Variants in PCLO observed in about 807,000 individuals in gnomAD.
PCLO encodes protein piccolo.
In PCLO, 82 loss-of-function variants were observed where a neutral mutation model predicts 427.5. The observed-to-expected ratio is 0.19, with a 90% confidence interval of 0.16 to 0.23. The LOEUF (loss-of-function observed/expected upper bound fraction) is 0.23. Ranked by LOEUF, PCLO falls within the 10% of genes least tolerant of loss-of-function variation. The pLI is 1.00. For synonymous variants in PCLO, 2,357 were observed against 2,155.4 expected (o/e 1.09, Z -2.59); for missense variants, 6,239 against 6,115.9 (o/e 1.02, Z -0.67).
rs989137162 is a variant in PCLO at position 82,956,949 on chromosome 7, TA to T, written c.4018-15del. 2 of 1,559,490 alleles carry T rather than the reference TA, an allele frequency of 1.3e-6. No individual in the cohort carries two copies. The highest frequency in any genetic ancestry group is 1.7e-6 in the Non-Finnish European group (2 of 1,154,798). On this transcript the variant is annotated splice_polypyrimidine_tract_variant and intron_variant, in intron 4 of 24. Coordinates refer to ENST00000333891, the MANE Select transcript of PCLO (RefSeq NM_033026.6). ...ATCTTCCTTTTCCTAAGCAGGGAGATAAAGATACAGGAAAACTTAACATGGT... is the reference window on the plus strand; with the variant it reads ...ATCTTCCTTTTCCTAAGCAGGGAGATAAGATACAGGAAAACTTAACATGGT...
chr7:82,859,941 G>C (rs1413351213), intron 10 of PCLO, among the ~76,000 whole-genome samples: 3 of 152,022 alleles, frequency 2.0e-5, no homozygotes. Flanking sequence ...ACTGAATAAT[G>C]CATCAGAGGT....
intron 6 of PCLO, among the ~76,000 whole-genome samples, chr7:82,922,852 T>C (rs142615431): frequency 3.3e-5 from 5 of 152,154 alleles, no homozygotes; most frequent in Non-Finnish European, 4.4e-5. Flanking sequence ...TAGAGAGACA[T>C]AGCAACATAT....
chr7:83,111,690 T>C (rs1190135223), intron 3 of PCLO, among the ~76,000 whole-genome samples: 6 of 152,224 alleles, frequency 3.9e-5, no homozygotes, highest in African/African-American at 1.4e-4. Context: ...GTTAAGATCC[T>C]GATTAGAAAG....
At chr7:82,862,277 T>G (rs1485163276) in intron 10 of PCLO, among the ~76,000 whole-genome samples, 3 of 151,848 alleles carry the variant, frequency 2.0e-5, no homozygotes, top group African/African-American at 7.2e-5. Context: ...TAAAATGGCT[T>G]ATGTCCAAAA....
At chr7:82,832,701 T>C (rs1335632363) in intron 16 of PCLO, among the ~76,000 whole-genome samples, 1 of 151,998 alleles carries the variant, frequency 6.6e-6, no homozygotes, top group East Asian at 1.9e-4. Context: ...ATAATGAAAT[T>C]TGAAGGCTTC....
At chr7:82,968,761 T>C (rs563829355) in intron 3 of PCLO, among the ~76,000 whole-genome samples, 39 of 152,176 alleles carry the variant, frequency 2.6e-4, no homozygotes, top group Non-Finnish European at 4.0e-4. Context: ...CCTTGTGATC[T>C]GCCTGTCTTG....
rs147440627 is a variant in PCLO at position 82,767,240 on chromosome 7, C to G, written c.15008-5747G>C. On this transcript the variant is annotated intron_variant, in intron 22 of 24. Coordinates refer to ENST00000333891, the MANE Select transcript of PCLO (RefSeq NM_033026.6). ...TGGCATTAGAAAATGCTTTGACCAGCCTTCAGGTCTCCTGGCGTCCTGAAA... is the reference window on the plus strand; with the variant it reads ...TGGCATTAGAAAATGCTTTGACCAGGCTTCAGGTCTCCTGGCGTCCTGAAA... Among the ~76,000 whole-genome samples, 975 of 152,168 alleles carry G rather than the reference C, an allele frequency of 6.4e-3. 7 individuals are homozygous for G. Among genetic ancestry groups the G allele is most frequent in the African/African-American group, 0.022 (917 of 41,524 alleles).
At chr7:82,867,949 A>G (rs990027719) in intron 10 of PCLO, among the ~76,000 whole-genome samples, 1 of 152,182 alleles carries the variant, frequency 6.6e-6, no homozygotes, top group Non-Finnish European at 1.5e-5. Flanking sequence ...CTATCAGCCC[A>G]GGGACCAGTA....
At chr7:82,830,318 T>C (rs1792062707) in intron 16 of PCLO, among the ~76,000 whole-genome samples, 1 of 151,950 alleles carries the variant, frequency 6.6e-6, no homozygotes, top group Non-Finnish European at 1.5e-5. Context: ...TTCCTTTAAA[T>C]TTAGTTTTGG....
At chr7:82,896,426 T>A (rs998822003) in intron 9 of PCLO, among the ~76,000 whole-genome samples, 8 of 151,816 alleles carry the variant, frequency 5.3e-5, no homozygotes, top group Non-Finnish European at 7.4e-5. Context: ...CCAATTTATA[T>A]GAAATGCTTG....
intron 3 of PCLO, among the ~76,000 whole-genome samples, chr7:83,108,091 T>C (rs1350819268): frequency 2.0e-5 from 3 of 152,020 alleles, no homozygotes; most frequent in Non-Finnish European, 4.4e-5. Context: ...TTATGGCCAT[T>C]GATAGGTGGC....
Position 82,999,858 on chromosome 7 carries a change from T to G in PCLO, c.3301-33371A>C, listed in dbSNP as rs1484881559. ...AAATATAAAATATAATATATAATAT[T>G]ATATAAAATATAATATATAATATTA... On this transcript the variant is annotated intron_variant, in intron 3 of 24. Transcript: ENST00000333891. 2.4e-4 allele frequency among the ~76,000 whole-genome samples: 4 copies of G among 16,704 alleles called. 1 individual carries two copies. Among genetic ancestry groups the G allele is most frequent in the Non-Finnish European group, 3.2e-4 (4 of 12,444 alleles). 11.0% of individuals were successfully genotyped at this position (16,704 alleles called of 152,430 possible). A position where few individuals can be genotyped will look rare whatever the true frequency, so the allele number is the denominator to read the frequency against.
intron 3 of PCLO, among the ~76,000 whole-genome samples, chr7:83,038,039 TTATATATATATCTTTATA>T (rs1788859592): frequency 4.3e-5 from 1 of 23,384 alleles, no homozygotes; most frequent in African/African-American, 3.1e-4. Flanking sequence ...ATTTATATAT[TTATATATATATCTTTATA>T]TATATATTTA....
In PCLO at chr7:82,953,374, T is replaced by C; in HGVS notation, c.7579A>G (p.Thr2527Ala). 1 of 1,613,570 alleles carries C rather than the reference T, an allele frequency of 6.2e-7. No individual in the cohort carries two copies. Among genetic ancestry groups the C allele is most frequent in the Non-Finnish European group, 8.5e-7 (1 of 1,179,786 alleles). The change falls in exon 5 of 25, where the codon ACA becomes GCA. Residue 2527 changes from threonine (T) to alanine (A), a missense_variant. Physicochemically the swap from Thr to Ala is moderately conservative, Grantham distance 58. This residue lies in a region of PCLO where 4,677 missense variants were observed against 4,468.4 expected (regional missense o/e 1.05). Transcript: ENST00000333891. ...CCTGTTGGTTTGGGGTGTATATCTG[T>C]TGGTTTTTGTGTAGTTGTTGGAAGC... ...PQLPTTTQKP[T>A]DIHPKPTGLS... is the part of the protein sequence containing the mutation.
chr7:83,004,356 T>C (rs747641483), intron 3 of PCLO, among the ~76,000 whole-genome samples: 1 of 151,686 alleles, frequency 6.6e-6, no homozygotes, highest in Non-Finnish European at 1.5e-5. Context: ...AGCCCAAGCA[T>C]TTACAGTCAA....
rs974177798 is a variant in PCLO, at chr7:82,956,509, C to G, written c.4444G>C (p.Asp1482His). ...CTGGAAGGAATATCTTGTTGGCTAT[C>G]TTTTTTAAAAGTGTCTTTCCTTTCT... is the stretch of plus-strand genomic sequence containing the variant. ...QEERKDTFKK[D>H]SQQDIPSSKD... Residue 1482 changes from aspartate to histidine, a missense_variant, in exon 5 of 25, where the codon GAT (aspartate) becomes CAT (histidine). Transcript: ENST00000333891. The G allele has an allele frequency of 6.2e-7, 1 of 1,613,004 alleles. No homozygotes were observed. Among genetic ancestry groups the G allele is most frequent in the Middle Eastern group, 1.7e-4 (1 of 6,058 alleles).
At chr7:82,772,168 A>C (rs758312488) in intron 22 of PCLO, among the ~76,000 whole-genome samples, 1 of 152,180 alleles carries the variant, frequency 6.6e-6, no homozygotes, top group Non-Finnish European at 1.5e-5. Flanking sequence ...TAATCTTTCC[A>C]GCAATTCTAC....
chr7:82,915,825 T>C lies in PCLO; in HGVS notation c.12161A>G (p.Glu4054Gly). ...TAATGCCGCTGTTCCTTTGGTGATC[T>C]CTCCAATGTCGTCAATTAGGACATA... ...RNYVLIDDIG[E>G]ITKGTAALST... is the part of the protein sequence containing the mutation. Residue 4054 changes from glutamate (E) to glycine (G), a missense_variant, in exon 7 of 25, where the codon GAG (glutamate) becomes GGG (glycine). Transcript: ENST00000333891. 6.2e-7 allele frequency: 1 copy of C among 1,613,476 alleles called. No individual in the cohort carries two copies. Among genetic ancestry groups the C allele is most frequent in the African/African-American group, 1.3e-5 (1 of 75,052 alleles).
At chr7:82,848,817 C>T (rs75165430) in intron 10 of PCLO, 2,876 of 283,362 alleles carry the variant, frequency 0.01, 95 homozygotes, top group African/African-American at 0.059. Flanking sequence ...AAAAGAATTC[C>T]ATAAAAAGGC....
Sources: gnomAD v4.1 joint callset for allele counts (sites outside exome capture counted in the v4.1 genomes callset) on GRCh38, gnomAD v4.1.1 for gene constraint, gnomAD v4.1.1 regional missense constraint, MANE v1.5 for transcripts, NCBI Gene and HGNC (gene_info 2026-07-23, HGNC 2026-07-21) for gene names.